The following ULK4 variants were observed in gnomAD, a reference collection of about 807,000 sequenced individuals.
ULK4 encodes the protein unc-51 like kinase 4, also known as inactive serine/threonine-protein kinase ULK4.
In ULK4, 133 loss-of-function variants were observed where a neutral mutation model predicts 160.6. The observed-to-expected ratio is 0.83, with a 90% CI of 0.72 to 0.96. The LOEUF (loss-of-function observed/expected upper bound fraction) is 0.96. Ranked by LOEUF, ULK4 falls within the 40% of genes least tolerant of loss-of-function variation. ULK4 has a pLI of 0.00. For synonymous variants in ULK4, 534 were observed against 539.8 expected (o/e 0.99, Z 0.15); for missense variants, 1,580 against 1,499.5 (o/e 1.05, Z -0.89).
rs183394271 is a variant in ULK4, at chr3:41,378,113, C to G, written c.3678+19966G>C. 3.2e-4 allele frequency among the ~76,000 whole-genome samples: 48 copies of G among 150,718 alleles called. No individual in the cohort carries two copies. The East Asian group carries it at 9.2e-3, about 29-fold the overall frequency. On this transcript the variant is annotated intron_variant, in intron 35 of 36. Coordinates refer to ENST00000301831, the MANE Select transcript of ULK4 (RefSeq NM_017886.4). ...ATTGGAAATCATCATTGTCAGTAAACTATTGCAAGAACAAAAAACCAAACA... is the reference window on the plus strand; with the variant it reads ...ATTGGAAATCATCATTGTCAGTAAAGTATTGCAAGAACAAAAAACCAAACA...
chr3:41,819,345 CA>C, intron 19 of ULK4, 77 bp downstream of exon 19: 1 of 1,375,860 alleles, frequency 7.3e-7, no homozygotes, highest in Non-Finnish European at 1.0e-6. Flanking sequence ...TGCACTGCTG[CA>C]GGCTACAATC....
intron 17 of ULK4, among the ~76,000 whole-genome samples, chr3:41,851,172 C>T (rs564781333): frequency 2.5e-4 from 38 of 152,256 alleles, no homozygotes; most frequent in African/African-American, 8.9e-4. Flanking sequence ...AAAGGGAATG[C>T]TTCCAGTTTT....
chr3:41,734,261 A>AT (rs1559515671), intron 22 of ULK4, among the ~76,000 whole-genome samples: 2 of 152,174 alleles, frequency 1.3e-5, no homozygotes, highest in African/African-American at 4.8e-5. Flanking sequence ...TGAATGAATA[A>AT]GAAAAAAATA....
At chr3:41,683,334 A>C (rs1483982186) in intron 27 of ULK4, among the ~76,000 whole-genome samples, 1 of 151,912 alleles carries the variant, frequency 6.6e-6, no homozygotes, top group Non-Finnish European at 1.5e-5. Context: ...GTCCTATTGC[A>C]TTGAGAGCCC....
chr3:41,386,964 A>C (rs912189616), intron 35 of ULK4, among the ~76,000 whole-genome samples: 6 of 152,138 alleles, frequency 3.9e-5, no homozygotes, highest in African/African-American at 1.4e-4. Context: ...CTGAGTCCTG[A>C]GAAGGACTGG....
chr3:41,939,043 G>C (rs1421467217), intron 2 of ULK4, among the ~76,000 whole-genome samples: 2 of 152,096 alleles, frequency 1.3e-5, no homozygotes, highest in African/African-American at 4.8e-5. Flanking sequence ...TTACAACATA[G>C]AGGAACGAGT....
chr3:41,528,824 T>G (rs548114224), intron 32 of ULK4, among the ~76,000 whole-genome samples: 3 of 152,290 alleles, frequency 2.0e-5, no homozygotes, highest in African/African-American at 7.2e-5. Context: ...AAAATAAAAC[T>G]GCAGTGTGTT....
chr3:41,605,617 C>G (rs186018423), intron 31 of ULK4, among the ~76,000 whole-genome samples: 2 of 151,978 alleles, frequency 1.3e-5, no homozygotes, highest in African/African-American at 4.8e-5. Context: ...CAAAACTGAT[C>G]CAAAAGGGGA....
intron 27 of ULK4, among the ~76,000 whole-genome samples, chr3:41,687,410 T>G (rs918496990): frequency 6.6e-6 from 1 of 151,542 alleles, no homozygotes; most frequent in Non-Finnish European, 1.5e-5. Flanking sequence ...ATTTAAATAA[T>G]AAATAATAAA....
At chr3:41,946,425 G>A (rs909153053) in intron 2 of ULK4, among the ~76,000 whole-genome samples, 7 of 152,156 alleles carry the variant, frequency 4.6e-5, no homozygotes, top group Admixed American at 1.3e-4. Flanking sequence ...CTTTCTGGAG[G>A]AATAGACAGA....
chr3:41,615,803 A>C, intron 30 of ULK4, 86 bp from the exon 31 acceptor site: 1 of 1,172,028 alleles, frequency 8.5e-7, no homozygotes, highest in Non-Finnish European at 1.2e-6. Flanking sequence ...CTCAGCCCCC[A>C]TGTTTTATTG....
At chr3:41,607,371 A>G (rs1019527374) in intron 31 of ULK4, among the ~76,000 whole-genome samples, 17 of 152,160 alleles carry the variant, frequency 1.1e-4, no homozygotes, top group African/African-American at 3.6e-4. Context: ...GCATGCTAGG[A>G]AACACATAAG....
chr3:41,796,103 G>A (rs1462696454), intron 20 of ULK4, among the ~76,000 whole-genome samples: 1 of 152,170 alleles, frequency 6.6e-6, no homozygotes, highest in Non-Finnish European at 1.5e-5. Flanking sequence ...GCTGAGCTGA[G>A]GAGTGGCCAA....
At chr3:41,874,740 A>G (rs927289954) in intron 17 of ULK4, among the ~76,000 whole-genome samples, 4 of 152,242 alleles carry the variant, frequency 2.6e-5, no homozygotes, top group African/African-American at 9.7e-5. Flanking sequence ...AAAAGACTAC[A>G]TATTGAGTAC....
Position 41,284,877 on chromosome 3 carries a change from C to T in ULK4, c.3679-35303G>A, listed in dbSNP as rs150631274. Among the ~76,000 whole-genome samples, 6 of 152,050 alleles carry T rather than the reference C, an allele frequency of 3.9e-5. No individual in the cohort carries two copies. The East Asian group carries it at 1.2e-3, about 29-fold the overall frequency. ...AAGGACTAATATCCAGAATCTACAACACACTCAAACAAATCAGTATGAAAA... is the reference window on the plus strand; with the variant it reads ...AAGGACTAATATCCAGAATCTACAATACACTCAAACAAATCAGTATGAAAA... On this transcript the variant is annotated intron_variant, in intron 35 of 36. Transcript: ENST00000301831.
intron 35 of ULK4, chr3:41,250,950 C>T (rs2125667778): frequency 6.6e-6 from 1 of 152,342 alleles, no homozygotes; most frequent in Admixed American, 6.5e-5. Context: ...CATCAGGCGT[C>T]TTCAGTGAGG....
intron 29 of ULK4, among the ~76,000 whole-genome samples, chr3:41,666,141 C>G (rs971983499): frequency 2.0e-5 from 3 of 152,108 alleles, no homozygotes; most frequent in African/African-American, 2.4e-5. Flanking sequence ...GCCTTGGTGT[C>G]CAGGGTTTTT....
intron 35 of ULK4, among the ~76,000 whole-genome samples, chr3:41,340,934 G>A (rs1329426490): frequency 6.6e-6 from 1 of 152,204 alleles, no homozygotes; most frequent in African/African-American, 2.4e-5. Flanking sequence ...AAAGGAGCAA[G>A]TTTCTCCTCC....
chr3:41,722,259 T>C (rs2037497683), intron 22 of ULK4, among the ~76,000 whole-genome samples: 1 of 152,142 alleles, frequency 6.6e-6, no homozygotes, highest in Non-Finnish European at 1.5e-5. Context: ...CATCCCACTC[T>C]CTGAATCATG....
Sources: gnomAD v4.1 joint callset for allele counts (sites outside exome capture counted in the v4.1 genomes callset) on GRCh38, gnomAD v4.1.1 for gene constraint, MANE v1.5 for transcripts, NCBI Gene and HGNC (gene_info 2026-07-23, HGNC 2026-07-21) for gene names.